USP6NL: variants seen among roughly 807,000 people sequenced by gnomAD.
The protein encoded by USP6NL is USP6 N-terminal-like protein.
USP6NL carries 26 observed loss-of-function variants against 61.9 expected under a neutral mutation model. The observed-to-expected ratio is 0.42, with a 90% CI of 0.31 to 0.58. USP6NL has a LOEUF of 0.58. Ranked by LOEUF, USP6NL falls within the 20% of genes least tolerant of loss-of-function variation. The probability of loss-of-function intolerance (pLI) is 0.16; values close to 1 mark genes in which losing one functional copy is unlikely to be tolerated. For missense variants in USP6NL, 1,114 were observed against 1,034.3 expected (o/e 1.08, Z -1.06); for synonymous variants, 432 against 390.1 (o/e 1.11, Z -1.27).
rs1835376768 is a variant in USP6NL at position 11,525,462 on chromosome 10, C to G, written c.79G>C (p.Glu27Gln). The G allele has an allele frequency of 6.3e-7, 1 of 1,584,182 alleles. No individual in the cohort carries two copies. The highest frequency in any genetic ancestry group is 1.4e-5 in the African/African-American group (1 of 73,044). Residue 27 changes from glutamate to glutamine, a missense_variant, in exon 4 of 15, where the codon GAA becomes CAA. Transcript: ENST00000609104. The surrounding 1 kb of genome is among the most constrained non-coding windows in gnomAD (Gnocchi z 5.0). ...TCCCAAGGTTCAATCTCTGCACCTT[C>G]TCGTCCCTAAAATAAGGCACAAAAA... is the stretch of plus-strand genomic sequence containing the variant. ...EIVAKYDRGR[E>Q]GAEIEPWEDA... is the part of the protein sequence containing the mutation.
rs1398146881 is a variant in USP6NL, at chr10:11,476,791, G to T, written c.1078+4979C>A. Reference sequence around the variant, plus strand: ...TCAAAAAAACATAGACATGAATACAGCAAAAGAAGACATGCCTTTCAACAC... The same window carrying T: ...TCAAAAAAACATAGACATGAATACATCAAAAGAAGACATGCCTTTCAACAC... On this transcript the variant is annotated intron_variant, in intron 14 of 14. Transcript: ENST00000609104. This position sits in a 1 kb window ranked among gnomAD's most constrained non-coding sequence, Gnocchi z 4.3. 3.3e-5 allele frequency among the ~76,000 whole-genome samples: 5 copies of T among 152,118 alleles called. No homozygotes were observed. The highest frequency in any genetic ancestry group is 7.4e-5 in the Non-Finnish European group (5 of 68,010).
In USP6NL at chr10:11,463,109, C is replaced by G; in HGVS notation, c.1819G>C (p.Val607Leu). Residue 607 changes from valine to leucine, a missense_variant, in exon 15 of 15, where the codon GTA becomes CTA. Physicochemically the swap from Val to Leu is conservative, Grantham distance 32. Coordinates refer to ENST00000609104, the MANE Select transcript of USP6NL (RefSeq NM_014688.5). The surrounding 1 kb of genome is among the most constrained non-coding windows in gnomAD (Gnocchi z 6.3). ...SKVSNKFTFK[V>L]QPPSHARYPS... ...TATCGTGCATGACTTGGAGGCTGTACTTTAAAAGTAAACTTGTTGGATACT... is the reference window on the plus strand; with the variant it reads ...TATCGTGCATGACTTGGAGGCTGTAGTTTAAAAGTAAACTTGTTGGATACT... The G allele has an allele frequency of 6.2e-7, 1 of 1,614,026 alleles. No homozygotes were observed. The highest frequency in any genetic ancestry group is 8.5e-7 in the Non-Finnish European group (1 of 1,179,906).
chr10:11,462,665 C>T lies in USP6NL; in HGVS notation c.2263G>A (p.Asp755Asn). 1.9e-6 allele frequency: 3 copies of T among 1,613,988 alleles called. No homozygotes were observed. The highest frequency in any genetic ancestry group is 2.5e-6 in the Non-Finnish European group (3 of 1,179,890). Reference protein sequence around the residue: ...PETQGQSWTRDASRGNLPKYS... With the variant: ...PETQGQSWTRNASRGNLPKYS... ...TTTGGTAAATTGCCACGGCTAGCAT[C>T]TCGGGTCCATGATTGTCCCTGCGTC... Residue 755 changes from aspartate to asparagine, a missense_variant, in exon 15 of 15, where the codon GAT becomes AAT. By Grantham distance (23) the Asp-to-Asn change is conservative. Coordinates refer to ENST00000609104, the MANE Select transcript of USP6NL (RefSeq NM_014688.5).
intron 14 of USP6NL, among the ~76,000 whole-genome samples, chr10:11,479,149 G>C (rs1833086083): frequency 6.6e-6 from 1 of 152,018 alleles, no homozygotes; most frequent in Admixed American, 6.6e-5. Flanking sequence ...GAGAAATATG[G>C]GTACTTAAGA....
At chr10:11,582,519 A>G (rs1039955328) in intron 2 of USP6NL, among the ~76,000 whole-genome samples, 2 of 152,254 alleles carry the variant, frequency 1.3e-5, no homozygotes, top group Non-Finnish European at 2.9e-5. Context: ...ATAAAAATTC[A>G]TTGACAACTT....
At chr10:11,586,395 C>CAA (rs75974777) in intron 2 of USP6NL, among the ~76,000 whole-genome samples, 2 of 78,426 alleles carry the variant, frequency 2.6e-5, no homozygotes, top group African/African-American at 9.5e-5. Context: ...CTTAAATGAC[C>CAA]AAAAAAAAAA....
intron 2 of USP6NL, among the ~76,000 whole-genome samples, chr10:11,576,995 T>C (rs570269807): frequency 6.6e-4 from 100 of 152,238 alleles, no homozygotes; most frequent in African/African-American, 2.3e-3. Context: ...AAACATGGTA[T>C]ATTTCTCTAT....
At chr10:11,550,387 T>C (rs949503699) in intron 2 of USP6NL, among the ~76,000 whole-genome samples, 3 of 152,148 alleles carry the variant, frequency 2.0e-5, no homozygotes, top group Non-Finnish European at 4.4e-5. Context: ...TATATCCAGA[T>C]TAAAGAATTC....
chr10:11,578,893 G>T (rs908927160), intron 2 of USP6NL, among the ~76,000 whole-genome samples: 1 of 152,174 alleles, frequency 6.6e-6, no homozygotes, highest in Non-Finnish European at 1.5e-5. Context: ...GCCACATCTC[G>T]TTTATATCAG....
rs1415522831 is a variant in USP6NL at position 11,525,601 on chromosome 10, G to A, written c.73-133C>T. 2 of 756,976 alleles carry A rather than the reference G, an allele frequency of 2.6e-6. No homozygotes were observed. Among genetic ancestry groups the A allele is most frequent in the African/African-American group, 1.9e-5 (1 of 53,910 alleles). The allele number at this position is 756,976 out of a possible 1,614,324, so 46.9% of individuals were successfully genotyped here. ...ATAAGAGCTGGAAGTGAGGCATTAT[G>A]AGCCTTAACATTTTTTTTTCCCCTT... is the stretch of plus-strand genomic sequence containing the variant. On this transcript the variant is annotated intron_variant, in intron 3 of 14. Coordinates refer to ENST00000609104, the MANE Select transcript of USP6NL (RefSeq NM_014688.5). This position sits in a 1 kb window ranked among gnomAD's most constrained non-coding sequence, Gnocchi z 5.0.
chr10:11,538,926 C>T (rs1358018156), intron 2 of USP6NL, among the ~76,000 whole-genome samples: 1 of 152,190 alleles, frequency 6.6e-6, no homozygotes, highest in Non-Finnish European at 1.5e-5. Flanking sequence ...CTCTCCTACT[C>T]GCAGAGCTGC....
intron 14 of USP6NL, among the ~76,000 whole-genome samples, chr10:11,469,157 G>C (rs1445146891): frequency 6.6e-5 from 10 of 152,186 alleles, no homozygotes; most frequent in Admixed American, 6.5e-4. Context: ...AAAACAATCT[G>C]TGGCTGTTCT....
intron 6 of USP6NL, among the ~76,000 whole-genome samples, chr10:11,504,103 C>T (rs1218058799): frequency 6.6e-6 from 1 of 152,128 alleles, no homozygotes; most frequent in Non-Finnish European, 1.5e-5. Flanking sequence ...AAAACATGAA[C>T]ACAAAATCAC....
chr10:11,548,664 G>A lies in USP6NL; in HGVS notation c.5-21097C>T, dbSNP rs1283986271. On this transcript the variant is annotated intron_variant, in intron 2 of 14. Coordinates refer to ENST00000609104, the MANE Select transcript of USP6NL (RefSeq NM_014688.5). The surrounding 1 kb of genome is among the most constrained non-coding windows in gnomAD (Gnocchi z 4.3). ...TAAGCTAAGATCCTAGGACCCACTGGCAAAGACTTTCATTCTGATAAACAT... is the reference window on the plus strand; with the variant it reads ...TAAGCTAAGATCCTAGGACCCACTGACAAAGACTTTCATTCTGATAAACAT... Among the ~76,000 whole-genome samples the A allele has an allele frequency of 1.3e-5, 2 of 152,036 alleles. No individual in the cohort carries two copies. Among genetic ancestry groups the A allele is most frequent in the African/African-American group, 4.8e-5 (2 of 41,408 alleles).
chr10:11,467,366 G>A (rs760852430), intron 14 of USP6NL, among the ~76,000 whole-genome samples: 3 of 152,196 alleles, frequency 2.0e-5, no homozygotes, highest in East Asian at 3.8e-4. Flanking sequence ...ACTACTGTGG[G>A]CTTGGAGAAA....
intron 7 of USP6NL, among the ~76,000 whole-genome samples, chr10:11,498,867 T>A (rs558170947): frequency 6.6e-6 from 1 of 152,248 alleles, no homozygotes; most frequent in South Asian, 2.1e-4. Context: ...TACCCTCTTT[T>A]CAACTCCTAC....
intron 2 of USP6NL, among the ~76,000 whole-genome samples, chr10:11,535,055 C>T (rs887309922): frequency 7.2e-5 from 11 of 152,190 alleles, no homozygotes; most frequent in African/African-American, 2.4e-4. Context: ...AAAATCGACA[C>T]CTCTTTTTCA....
chr10:11,576,535 C>T (rs1837551483), intron 2 of USP6NL, among the ~76,000 whole-genome samples: 1 of 152,206 alleles, frequency 6.6e-6, no homozygotes, highest in Admixed American at 6.5e-5. Context: ...TGCCTTTCCA[C>T]GACGTGAGGA....
At position 11,585,561 on chromosome 10, in the gene USP6NL, C is replaced by T. The variant is rs190348269; in HGVS notation, c.4+12070G>A. On this transcript the variant is annotated intron_variant, in intron 2 of 14. Transcript: ENST00000609104. This position sits in a 1 kb window ranked among gnomAD's most constrained non-coding sequence, Gnocchi z 4.5. ...CCTGTACTCCCAGCTACTCGGGAGG[C>T]TGAGGAACGGGAATGGCGCGAACCC... Among the ~76,000 whole-genome samples, 4 of 152,160 alleles carry T rather than the reference C, an allele frequency of 2.6e-5. No homozygotes were observed. The highest frequency in any genetic ancestry group is 4.2e-4 in the South Asian group (2 of 4,814).
Sources: allele counts gnomAD v4.1 joint callset (sites outside exome capture counted in the v4.1 genomes callset), GRCh38; gene constraint gnomAD v4.1.1; non-coding constraint Gnocchi (gnomAD v3.1); transcripts MANE v1.5; gene names NCBI Gene and HGNC (gene_info 2026-07-23, HGNC 2026-07-21).